The following RIC3 variants were observed in gnomAD, a reference collection of about 807,000 sequenced individuals.
RIC3 encodes RIC3 acetylcholine receptor chaperone, also known as protein RIC-3.
RIC3 carries 28 observed loss-of-function variants against 27.3 expected under a neutral mutation model. The ratio of observed to expected loss-of-function variants is 1.02; its 90% CI spans 0.76 to 1.41. The LOEUF (loss-of-function observed/expected upper bound fraction) is 1.41, where lower values mean the gene tolerates loss of function less well. Ranked by LOEUF, RIC3 falls within the 40% of genes most tolerant of loss-of-function variation. RIC3 has a pLI of 0.00. For synonymous variants in RIC3, 184 were observed against 160.4 expected (o/e 1.15, Z -1.11); for missense variants, 501 against 444.7 (o/e 1.13, Z -1.14).
At chr11:8,133,564 A>G (rs1947998029) in intron 4 of RIC3, among the ~76,000 whole-genome samples, 1 of 152,226 alleles carries the variant, frequency 6.6e-6, no homozygotes, top group Admixed American at 6.5e-5. Flanking sequence ...AAAAAGTATT[A>G]CACAACCTTT....
intron 5 of RIC3, among the ~76,000 whole-genome samples, chr11:8,116,407 T>C (rs548699108): frequency 3.8e-4 from 58 of 152,204 alleles, no homozygotes; most frequent in Non-Finnish European, 4.4e-5. Context: ...CAAAAGCCCA[T>C]GCAACAAAAG....
chr11:8,151,315 C>T (rs1324416337), intron 1 of RIC3, among the ~76,000 whole-genome samples: 6 of 152,180 alleles, frequency 3.9e-5, no homozygotes, highest in East Asian at 1.9e-4. Flanking sequence ...AGGCCGGGCG[C>T]GGTGGCTCAC....
At chr11:8,128,069 C>T (rs1211531490) in intron 4 of RIC3, 1 of 369,980 alleles carries the variant, frequency 2.7e-6, no homozygotes, top group Non-Finnish European at 5.3e-6. Flanking sequence ...AAATCCTATA[C>T]TTACAGGGCC....
Position 8,138,330 on chromosome 11 carries a change from T to G in RIC3, c.369A>C (p.Thr123=), listed in dbSNP as rs750141964. The G allele has an allele frequency of 1.5e-5, 25 of 1,613,290 alleles. No individual in the cohort carries two copies. The highest frequency in any genetic ancestry group is 3.3e-4 in the Middle Eastern group (2 of 6,082). ...TATAGCATTTCCCATCCTCTGCAGT[T>G]GTTTTCCCCTTTGAGAGCTGAGAAT... is the stretch of plus-strand genomic sequence containing the variant. The part of the protein sequence containing the change: ...YILFKLSKGK[T]TAEDGKCYTA... The change falls in exon 3 of 6, where the codon ACA becomes ACC. Residue 123 remains threonine (T), a synonymous_variant. Transcript: ENST00000309737.
In RIC3 at chr11:8,106,316, C is replaced by T. The variant is rs1944645790; in HGVS notation, c.*4382G>A. Reference sequence around the variant, plus strand: ...CTAATTTTTTTCTATACCTTTCATTCATTGTTTCCTAGGAGCCTCAGGTGG... The same window carrying T: ...CTAATTTTTTTCTATACCTTTCATTTATTGTTTCCTAGGAGCCTCAGGTGG... On this transcript the variant is annotated 3_prime_UTR_variant, in exon 6 of 6. Coordinates refer to ENST00000309737, the MANE Select transcript of RIC3 (RefSeq NM_001206671.4). The T allele has an allele frequency of 1.3e-5, 2 of 152,104 alleles. No individual in the cohort carries two copies. Among genetic ancestry groups the T allele is most frequent in the African/African-American group, 2.4e-5 (1 of 41,422 alleles). The allele number at this position is 152,104 out of a possible 1,614,324, so 9.4% of individuals were successfully genotyped here.
intron 3 of RIC3, 141 bp downstream of exon 3, chr11:8,138,131 G>T: frequency 1.7e-6 from 1 of 590,146 alleles, no homozygotes; most frequent in Non-Finnish European, 3.0e-6. Flanking sequence ...AGAATTCCCA[G>T]AACTAAGGCA....
At chr11:8,098,943 C>T in the RIC3 span, 1 of 1,149,838 alleles carries the variant, frequency 8.7e-7, no homozygotes, top group Non-Finnish European at 1.3e-6. Flanking sequence ...GATGCCTGAT[C>T]TAGGGGCTAT....
intron 1 of RIC3, among the ~76,000 whole-genome samples, chr11:8,153,963 G>A (rs190753097): frequency 1.3e-5 from 2 of 152,218 alleles, no homozygotes; most frequent in Non-Finnish European, 2.9e-5. Context: ...TTCTCTTCTC[G>A]TAAAGTTAAC....
At chr11:8,101,472 G>A (rs371901087), downstream of RIC3, 11 of 1,614,058 alleles carry the variant, frequency 6.8e-6, no homozygotes, top group Non-Finnish European at 8.5e-6. Context: ...GTCTGTGCCT[G>A]TGCTTGGCCC....
intron 1 of RIC3, among the ~76,000 whole-genome samples, chr11:8,157,848 G>A (rs920073109): frequency 1.3e-5 from 2 of 152,124 alleles, no homozygotes; most frequent in South Asian, 4.1e-4. Flanking sequence ...TTACCTGTAC[G>A]TTTCTAAACT....
At chr11:8,096,199 A>G in the RIC3 span, among the ~76,000 whole-genome samples, 1 of 152,210 alleles carries the variant, frequency 6.6e-6, no homozygotes, top group African/African-American at 2.4e-5. Flanking sequence ...GCTCAGGGCA[A>G]AGATGAGGAG....
the RIC3 span, chr11:8,095,749 C>T: frequency 6.9e-7 from 1 of 1,440,484 alleles, no homozygotes; most frequent in Non-Finnish European, 9.4e-7. Flanking sequence ...CATGGCCTTC[C>T]TGTGTCCAAA....
At chr11:8,143,233 A>G (rs758702545) in intron 1 of RIC3, among the ~76,000 whole-genome samples, 5,097 of 148,080 alleles carry the variant, frequency 0.034, 20 homozygotes, top group South Asian at 0.067. Flanking sequence ...AGAGGAAGTC[A>G]AATTGTCTCT....
At chr11:8,127,952 C>T (rs1413182578) in intron 4 of RIC3, among the ~76,000 whole-genome samples, 1 of 152,166 alleles carries the variant, frequency 6.6e-6, no homozygotes, top group African/African-American at 2.4e-5. Context: ...TTACCAGAGA[C>T]CTCAGTGAAA....
At chr11:8,138,814 C>T (rs1948707529) in intron 2 of RIC3, 2 of 238,508 alleles carry the variant, frequency 8.4e-6, no homozygotes, top group South Asian at 1.1e-4. Flanking sequence ...CCTTTCTCAG[C>T]ATTCCACAAG....
At chr11:8,135,050 A>G (rs965910055) in intron 4 of RIC3, among the ~76,000 whole-genome samples, 1 of 152,174 alleles carries the variant, frequency 6.6e-6, no homozygotes, top group African/African-American at 2.4e-5. Context: ...GGTGTCTTAG[A>G]CATGAAGTCC....
chr11:8,145,460 G>C (rs1368726642), intron 1 of RIC3, among the ~76,000 whole-genome samples: 2 of 152,168 alleles, frequency 1.3e-5, no homozygotes, highest in Non-Finnish European at 2.9e-5. Context: ...TTCTTCAACA[G>C]GCTAGCTGAG....
In RIC3 at chr11:8,107,909, GAGAC is replaced by G. The variant is rs1348976923; in HGVS notation, c.*2785_*2788del. ...GTGAGAAATGAAGACCGCAAGAAAA[GAGAC>G]AGCAGCCCTGGCAACAAAAACCGGA... On this transcript the variant is annotated 3_prime_UTR_variant, in exon 6 of 6. Coordinates refer to ENST00000309737, the MANE Select transcript of RIC3 (RefSeq NM_001206671.4). 1 of 152,246 alleles carries G rather than the reference GAGAC, an allele frequency of 6.6e-6. No individual in the cohort carries two copies. Among genetic ancestry groups the G allele is most frequent in the Non-Finnish European group, 1.5e-5 (1 of 68,062 alleles). The allele number at this position is 152,246 out of a possible 1,614,324, so 9.4% of individuals were successfully genotyped here. A position where few individuals can be genotyped will look rare whatever the true frequency, so the allele number is the denominator to read the frequency against.
At chr11:8,140,521 A>G (rs1268740675) in intron 1 of RIC3, among the ~76,000 whole-genome samples, 1 of 152,198 alleles carries the variant, frequency 6.6e-6, no homozygotes, top group Non-Finnish European at 1.5e-5. Flanking sequence ...CCTGGTCTAT[A>G]AAATCTCCCT....
Sources: allele counts gnomAD v4.1 joint callset (sites outside exome capture counted in the v4.1 genomes callset), GRCh38; gene constraint gnomAD v4.1.1; transcripts MANE v1.5; gene names NCBI Gene and HGNC (gene_info 2026-07-23, HGNC 2026-07-21).